Variants in C10orf90 observed in about 807,000 individuals in gnomAD.
The protein encoded by C10orf90 is (E2-independent) E3 ubiquitin-conjugating enzyme FATS.
C10orf90 carries 56 observed loss-of-function variants against 62.5 expected under a neutral mutation model. The ratio of observed to expected loss-of-function variants is 0.90; its 90% CI spans 0.72 to 1.12. The LOEUF is 1.12. Ranked by LOEUF, C10orf90 falls within the 50% of genes most tolerant of loss-of-function variation. The pLI is 0.00. For synonymous variants in C10orf90, 386 were observed against 340.4 expected, an observed-to-expected ratio of 1.13 and a Z score of -1.47; for missense variants, 970 against 880.4, an observed-to-expected ratio of 1.10 and a Z score of -1.29.
chr10:126,599,875 C>T (rs1160328502), intron 2 of C10orf90, among the ~76,000 whole-genome samples: 1 of 152,170 alleles, frequency 6.6e-6, no homozygotes, highest in Admixed American at 6.5e-5. Context: ...TTTTCACTTC[C>T]AGAGCATAAA....
intron 7 of C10orf90, among the ~76,000 whole-genome samples, chr10:126,442,790 A>G (rs530538639): frequency 6.6e-6 from 1 of 150,562 alleles, no homozygotes; most frequent in Admixed American, 6.6e-5. Context: ...AATTTAAGAC[A>G]ATTGAAATTA....
intron 3 of C10orf90, among the ~76,000 whole-genome samples, chr10:126,509,053 C>T (rs1275791612): frequency 2.6e-5 from 4 of 152,204 alleles, no homozygotes; most frequent in African/African-American, 4.8e-5. Context: ...CGGTACATCC[C>T]TCCAGAAGGA....
At chr10:126,661,324 G>A (rs1210359171) in intron 1 of C10orf90, among the ~76,000 whole-genome samples, 1 of 152,142 alleles carries the variant, frequency 6.6e-6, no homozygotes, top group African/African-American at 2.4e-5. Flanking sequence ...CTTTATATAG[G>A]TTATCTCTTT....
At chr10:126,429,628 C>T (rs1310949372) in intron 8 of C10orf90, among the ~76,000 whole-genome samples, 159 bp downstream of exon 8, 6 of 152,116 alleles carry the variant, frequency 3.9e-5, no homozygotes, top group East Asian at 1.9e-4. Flanking sequence ...TTTCAACTAC[C>T]GTACTTATTT....
At chr10:126,529,006 A>G (rs1001771318) in intron 2 of C10orf90, among the ~76,000 whole-genome samples, 2 of 152,216 alleles carry the variant, frequency 1.3e-5, no homozygotes, top group Non-Finnish European at 2.9e-5. Context: ...GAAATAAACA[A>G]AAACAGGCTA....
At chr10:126,470,138 G>A in intron 4 of C10orf90, 1 of 423,678 alleles carries the variant, frequency 2.4e-6, no homozygotes, top group Non-Finnish European at 4.8e-6. Context: ...GGAGGAAAAG[G>A]CATTCTTCTG....
rs776592633 is a variant in C10orf90, at chr10:126,504,435, CCT to C, written c.1054_1055del (p.Arg352GlyfsTer21). 1 of 1,614,168 alleles carries C rather than the reference CCT, an allele frequency of 6.2e-7. No homozygotes were observed. The highest frequency in any genetic ancestry group is 1.1e-5 in the South Asian group (1 of 91,090). ...PLVFSSCVHLRVSQQCPDSIY... is the reference protein window; with the variant it reads ...PLVFSSCVHLXVSQQCPDSIY... ...TTGAATCTGGACACTGCTGAGACACCCTGAGGTGGACACAGGAACTGAACACC... is the reference window on the plus strand; with the variant it reads ...TTGAATCTGGACACTGCTGAGACACCGAGGTGGACACAGGAACTGAACACC... On this transcript the variant is annotated frameshift_variant, in exon 4 of 10. Transcript: ENST00000488181. LOFTEE classifies it high-confidence loss of function. This position sits in a 1 kb window ranked among gnomAD's most constrained non-coding sequence, Gnocchi z 4.1.
At chr10:126,439,322 C>A (rs955538422) in intron 7 of C10orf90, among the ~76,000 whole-genome samples, 5 of 152,276 alleles carry the variant, frequency 3.3e-5, no homozygotes, top group Admixed American at 3.3e-4. Context: ...CTTTTTTCCC[C>A]CAATGAAACC....
intron 4 of C10orf90, among the ~76,000 whole-genome samples, chr10:126,468,949 T>C (rs1356942552): frequency 6.6e-6 from 1 of 152,174 alleles, no homozygotes; most frequent in Non-Finnish European, 1.5e-5. Context: ...TCTCTCCAAA[T>C]GTACAAATCT....
At chr10:126,509,548 A>AT (rs1432896070) in intron 3 of C10orf90, among the ~76,000 whole-genome samples, 2 of 152,176 alleles carry the variant, frequency 1.3e-5, no homozygotes, top group Admixed American at 6.5e-5. Context: ...AAGTCATGTA[A>AT]TTTTTTAGGT....
chr10:126,599,069 C>T (rs966749733), intron 2 of C10orf90, among the ~76,000 whole-genome samples: 18 of 152,248 alleles, frequency 1.2e-4, no homozygotes, highest in African/African-American at 9.6e-5. Context: ...AGCATCAGCC[C>T]GTCTGACATT....
chr10:126,596,602 T>C (rs1056649941), intron 2 of C10orf90, among the ~76,000 whole-genome samples: 1 of 152,226 alleles, frequency 6.6e-6, no homozygotes, highest in African/African-American at 2.4e-5. Flanking sequence ...CTACTTTCAA[T>C]GTACTCAGAA....
chr10:126,583,612 A>C (rs1312568736), intron 2 of C10orf90, among the ~76,000 whole-genome samples: 1 of 151,980 alleles, frequency 6.6e-6, no homozygotes, highest in Non-Finnish European at 1.5e-5. Flanking sequence ...TTCTCTTATC[A>C]TTTGGAAGGA....
At chr10:126,460,221 G>A (rs1032846310) in intron 6 of C10orf90, among the ~76,000 whole-genome samples, 5 of 152,290 alleles carry the variant, frequency 3.3e-5, no homozygotes, top group Admixed American at 6.5e-5. Flanking sequence ...GTGCTTCACC[G>A]ATGGGCTTGA....
rs777056913 is a variant in C10orf90, at chr10:126,428,638, C to T, written c.2252+1149G>A. Among the ~76,000 whole-genome samples, 5 of 149,138 alleles carry T rather than the reference C, an allele frequency of 3.4e-5. No individual in the cohort carries two copies. In the East Asian group the frequency reaches 6.0e-4, roughly 18 times the overall value. ...TAGGGCAATACTCTCTGACTACTCA[C>T]GCTGCTTTGAGATCTATTATTTTAA... On this transcript the variant is annotated intron_variant, in intron 8 of 9. Transcript: ENST00000488181.
intron 2 of C10orf90, among the ~76,000 whole-genome samples, chr10:126,561,555 G>A (rs1454130220): frequency 6.6e-6 from 1 of 152,108 alleles, no homozygotes; most frequent in South Asian, 2.1e-4. Context: ...GTGGAATTCC[G>A]ATGACAAAAA....
At chr10:126,635,260 T>C (rs1355217126) in intron 2 of C10orf90, among the ~76,000 whole-genome samples, 1 of 152,142 alleles carries the variant, frequency 6.6e-6, no homozygotes, top group Non-Finnish European at 1.5e-5. Context: ...GGAAGAAAAT[T>C]CTAAAGCACG....
chr10:126,625,928 A>G (rs981987549), intron 2 of C10orf90, among the ~76,000 whole-genome samples: 1 of 152,106 alleles, frequency 6.6e-6, no homozygotes, highest in East Asian at 1.9e-4. Context: ...CAGCCTCGCC[A>G]ACATGGTGAA....
chr10:126,516,623 G>A (rs1030797252), intron 2 of C10orf90, among the ~76,000 whole-genome samples: 5 of 152,184 alleles, frequency 3.3e-5, no homozygotes, highest in East Asian at 1.9e-4. Flanking sequence ...GAGATGCCTC[G>A]TCTCCAGCAG....
Sources: gnomAD v4.1 joint callset for allele counts (sites outside exome capture counted in the v4.1 genomes callset) on GRCh38, gnomAD v4.1.1 for gene constraint, Gnocchi (gnomAD v3.1) non-coding constraint, MANE v1.5 for transcripts, NCBI Gene and HGNC (gene_info 2026-07-23, HGNC 2026-07-21) for gene names.